Variants in CAMTA1 observed in about 807,000 individuals in gnomAD.
CAMTA1 encodes calmodulin-binding transcription activator 1.
Under a neutral mutation model 170.9 loss-of-function variants are expected in CAMTA1, and 27 were observed. That is an observed-to-expected ratio of 0.16 (90% CI 0.12 to 0.22). The LOEUF (loss-of-function observed/expected upper bound fraction) is 0.22. Ranked by LOEUF, CAMTA1 falls within the 10% of genes least tolerant of loss-of-function variation. The pLI, the probability that CAMTA1 is intolerant of heterozygous loss-of-function variation, is 1.00. For missense variants in CAMTA1, 1,619 were observed against 2,217.2 expected, an observed-to-expected ratio of 0.73 and a Z score of 5.42; for synonymous variants, 833 against 891.5, an observed-to-expected ratio of 0.93 and a Z score of 1.17.
At chr1:7,002,104 G>A (rs1293380742) in intron 3 of CAMTA1, among the ~76,000 whole-genome samples, 1 of 151,936 alleles carries the variant, frequency 6.6e-6, no homozygotes, top group Non-Finnish European at 1.5e-5. Context: ...CACCATGTTG[G>A]TCAGGCTGGT....
chr1:7,721,839 C>G (rs1456621791), intron 11 of CAMTA1, among the ~76,000 whole-genome samples: 1 of 152,122 alleles, frequency 6.6e-6, no homozygotes, highest in African/African-American at 2.4e-5. Flanking sequence ...GTCTTGAACT[C>G]CCGACCTCAG....
chr1:7,602,297 G>C, intron 6 of CAMTA1, among the ~76,000 whole-genome samples: 2 of 151,508 alleles, frequency 1.3e-5, no homozygotes, highest in Non-Finnish European at 1.5e-5. Context: ...GACTTTTTTT[G>C]GTTGGTAAGC....
At chr1:7,410,592 G>C (rs1452862866) in intron 5 of CAMTA1, among the ~76,000 whole-genome samples, 2 of 152,240 alleles carry the variant, frequency 1.3e-5, no homozygotes, top group Admixed American at 6.5e-5. Context: ...AGGGAGAGGA[G>C]GCCCTGGTGA....
chr1:6,913,424 GC>G, intron 3 of CAMTA1, among the ~76,000 whole-genome samples: 1 of 152,272 alleles, frequency 6.6e-6, no homozygotes, highest in Admixed American at 6.5e-5. Context: ...TTGTTGGGGT[GC>G]CCTCCCCAGC....
intron 1 of CAMTA1, 94 bp downstream of exon 1, chr1:6,785,669 G>T (rs1219389187): frequency 9.4e-6 from 4 of 427,646 alleles, no homozygotes; most frequent in Non-Finnish European, 1.2e-5. Context: ...CGCCGGGCGG[G>T]AGCGCGGGGG....
chr1:7,244,917 A>C (rs996097286), intron 4 of CAMTA1, among the ~76,000 whole-genome samples: 29 of 151,858 alleles, frequency 1.9e-4, no homozygotes, highest in African/African-American at 6.5e-4. Flanking sequence ...TAAATACATA[A>C]ATAAATTAAT....
At chr1:6,808,984 G>A (rs1644852666) in intron 1 of CAMTA1, among the ~76,000 whole-genome samples, 1 of 151,970 alleles carries the variant, frequency 6.6e-6, no homozygotes, top group South Asian at 2.1e-4. Flanking sequence ...TATATTTGGG[G>A]AGAATGGCTG....
intron 5 of CAMTA1, among the ~76,000 whole-genome samples, chr1:7,292,818 G>T (rs1446054134): frequency 6.6e-6 from 1 of 152,086 alleles, no homozygotes; most frequent in African/African-American, 2.4e-5. Context: ...CCCTTCATGG[G>T]CTCAGTTCCC....
In CAMTA1 at chr1:6,918,911, C is replaced by T. The variant is rs996067271; in HGVS notation, c.234+93701C>T. On this transcript the variant is annotated intron_variant, in intron 3 of 22. Coordinates refer to ENST00000303635, the MANE Select transcript of CAMTA1 (RefSeq NM_015215.4). This position sits in a 1 kb window ranked among gnomAD's most constrained non-coding sequence, Gnocchi z 4.0. ...ATGGCCTCAAATTCAAGGGTGTGGC[C>T]GCTCCAAAGGCACCACAGGCCACAG... is the stretch of plus-strand genomic sequence containing the variant. Among the ~76,000 whole-genome samples, 4 of 152,142 alleles carry T rather than the reference C, an allele frequency of 2.6e-5. No individual in the cohort carries two copies. The highest frequency in any genetic ancestry group is 9.7e-5 in the African/African-American group (4 of 41,420).
At chr1:7,307,289 A>C (rs1163863671) in intron 5 of CAMTA1, among the ~76,000 whole-genome samples, 1 of 151,602 alleles carries the variant, frequency 6.6e-6, no homozygotes. Flanking sequence ...TTGTGTGTTC[A>C]TCTTGTATCT....
At chr1:7,535,068 C>T (rs887712093) in intron 6 of CAMTA1, among the ~76,000 whole-genome samples, 4 of 152,170 alleles carry the variant, frequency 2.6e-5, no homozygotes, top group South Asian at 2.1e-4. Flanking sequence ...ACAGGCCGCC[C>T]GCCCCACCCC....
intron 4 of CAMTA1, among the ~76,000 whole-genome samples, chr1:7,175,775 G>A (rs1650674906): frequency 2.0e-5 from 3 of 152,272 alleles, no homozygotes; most frequent in African/African-American, 7.2e-5. Flanking sequence ...CCTCAGCTGA[G>A]CAGAGCAGGT....
intron 5 of CAMTA1, among the ~76,000 whole-genome samples, chr1:7,328,972 A>G (rs2082863560): frequency 6.6e-6 from 1 of 152,170 alleles, no homozygotes; most frequent in Admixed American, 6.5e-5. Flanking sequence ...TGGTTCTCAC[A>G]TATGGAGAAT....
In CAMTA1 at chr1:7,014,659, C is replaced by T. The variant is rs577885243; in HGVS notation, c.235-76645C>T. ...TCTGGAATTGTTTCTCATAACCCAA[C>T]GCTTGGCTTGGTTTCAAAAAGGAAG... On this transcript the variant is annotated intron_variant, in intron 3 of 22. Coordinates refer to ENST00000303635, the MANE Select transcript of CAMTA1 (RefSeq NM_015215.4). The surrounding 1 kb of genome is among the most constrained non-coding windows in gnomAD (Gnocchi z 4.2). Among the ~76,000 whole-genome samples, 9 of 152,170 alleles carry T rather than the reference C, an allele frequency of 5.9e-5. No homozygotes were observed. The highest frequency in any genetic ancestry group is 1.3e-4 in the Non-Finnish European group (9 of 68,046).
At chr1:6,799,745 A>G (rs1395156176) in intron 1 of CAMTA1, among the ~76,000 whole-genome samples, 1 of 152,208 alleles carries the variant, frequency 6.6e-6, no homozygotes, top group African/African-American at 2.4e-5. Context: ...TTGCAGCAAT[A>G]TACTGTAATA....
chr1:6,908,862 C>G (rs772240807), intron 3 of CAMTA1, among the ~76,000 whole-genome samples: 6 of 152,176 alleles, frequency 3.9e-5, no homozygotes, highest in Non-Finnish European at 8.8e-5. Flanking sequence ...TTGTTATTGA[C>G]AAGTAAGTGT....
At chr1:7,233,352 A>T (rs1164210864) in intron 4 of CAMTA1, among the ~76,000 whole-genome samples, 1 of 152,170 alleles carries the variant, frequency 6.6e-6, no homozygotes, top group East Asian at 1.9e-4. Flanking sequence ...CAGGGCTCCC[A>T]TCACTGTGCT....
rs1691442714 is a variant in CAMTA1, at chr1:6,965,916, G to A, written c.235-125388G>A. Among the ~76,000 whole-genome samples the A allele has an allele frequency of 6.6e-6, 1 of 152,086 alleles. No individual in the cohort carries two copies. Among genetic ancestry groups the A allele is most frequent in the South Asian group, 2.1e-4 (1 of 4,816 alleles). On this transcript the variant is annotated intron_variant, in intron 3 of 22. Transcript: ENST00000303635. This position sits in a 1 kb window ranked among gnomAD's most constrained non-coding sequence, Gnocchi z 4.1. ...TTAGTTACTGCTTGTTGTGTCCTGT[G>A]GAAACTAGATTTTCTGTCTTGGGAT... is the stretch of plus-strand genomic sequence containing the variant.
At chr1:7,079,497 G>C (rs1024082741) in intron 3 of CAMTA1, among the ~76,000 whole-genome samples, 1 of 151,728 alleles carries the variant, frequency 6.6e-6, no homozygotes, top group Non-Finnish European at 1.5e-5. Context: ...TTTAAAGACA[G>C]AATCTCACTC....
Sources: allele counts gnomAD v4.1 joint callset (sites outside exome capture counted in the v4.1 genomes callset), GRCh38; gene constraint gnomAD v4.1.1; non-coding constraint Gnocchi (gnomAD v3.1); transcripts MANE v1.5; gene names NCBI Gene and HGNC (gene_info 2026-07-23, HGNC 2026-07-21).